YWHAB: variants seen among roughly 807,000 people sequenced by gnomAD.
YWHAB encodes the protein tyrosine 3-monooxygenase/tryptophan 5-monooxygenase activation protein beta.
YWHAB carries 2 observed loss-of-function variants against 28.5 expected under a neutral mutation model. That is an observed-to-expected ratio of 0.07 (90% CI 0.03 to 0.22). The LOEUF is 0.22. Ranked by LOEUF, YWHAB falls within the 10% of genes least tolerant of loss-of-function variation. The pLI, the probability that YWHAB is intolerant of heterozygous loss-of-function variation, is 1.00. For synonymous variants in YWHAB, 103 were observed against 104.7 expected (o/e 0.98, Z 0.10); for missense variants, 148 against 297.1 (o/e 0.50, Z 3.69).
At chr20:44,889,232 C>T (rs1253310175) in intron 1 of YWHAB, among the ~76,000 whole-genome samples, 1 of 152,178 alleles carries the variant, frequency 6.6e-6, no homozygotes, top group Non-Finnish European at 1.5e-5. Flanking sequence ...GATGGAGAAA[C>T]TAACGGTTGG....
At chr20:44,902,204 G>A (rs2066631342) in intron 2 of YWHAB, 1 of 161,758 alleles carries the variant, frequency 6.2e-6, no homozygotes, top group Non-Finnish European at 1.3e-5. Flanking sequence ...AGTAGGGGAG[G>A]GAGATGAAAA....
At chr20:44,889,711 T>C (rs1198851305) in intron 1 of YWHAB, among the ~76,000 whole-genome samples, 3 of 152,216 alleles carry the variant, frequency 2.0e-5, no homozygotes, top group African/African-American at 7.2e-5. Context: ...GGCATGTTTT[T>C]ATGCTGTTTT....
At chr20:44,887,262 AC>A (rs2145520536) in intron 1 of YWHAB, 1 of 152,272 alleles carries the variant, frequency 6.6e-6, no homozygotes, top group East Asian at 1.9e-4. Flanking sequence ...ATCTTATTGG[AC>A]CTAAGTTAGA....
chr20:44,904,582 T>C (rs1243728855), intron 3 of YWHAB, among the ~76,000 whole-genome samples: 1 of 151,978 alleles, frequency 6.6e-6, no homozygotes, highest in East Asian at 1.9e-4. Context: ...TAAACTGAGG[T>C]TTATGGAGGT....
intron 5 of YWHAB, 56 bp downstream of exon 5, chr20:44,906,152 T>G (rs1460029276): frequency 7.2e-7 from 1 of 1,388,010 alleles, no homozygotes; most frequent in African/African-American, 1.4e-5. Context: ...TACTTAATAA[T>G]TCACTGTTAT....
intron 5 of YWHAB, 142 bp downstream of exon 5, chr20:44,906,238 G>A: frequency 8.8e-7 from 1 of 1,140,452 alleles, no homozygotes; most frequent in South Asian, 1.4e-5. Flanking sequence ...GACTGCTGAA[G>A]TTTTGACCTT....
intron 3 of YWHAB, among the ~76,000 whole-genome samples, chr20:44,904,622 G>T (rs1207999458): frequency 6.6e-6 from 1 of 152,114 alleles, no homozygotes; most frequent in African/African-American, 2.4e-5. Flanking sequence ...CAGACCTAGG[G>T]AGTAAGAGTT....
chr20:44,889,412 T>C (rs1156939957), intron 1 of YWHAB, among the ~76,000 whole-genome samples: 1 of 152,194 alleles, frequency 6.6e-6, no homozygotes, highest in Non-Finnish European at 1.5e-5. Context: ...TAATGAGATG[T>C]AAATGATCAG....
chr20:44,905,209 A>G, intron 4 of YWHAB, 78 bp downstream of exon 4: 4 of 1,454,096 alleles, frequency 2.8e-6, no homozygotes, highest in Non-Finnish European at 3.7e-6. Flanking sequence ...TCCTGAACAT[A>G]CTCATTGTCT....
intron 2 of YWHAB, 123 bp from the exon 3 acceptor site, chr20:44,903,870 A>T: frequency 8.9e-7 from 1 of 1,124,582 alleles, no homozygotes; most frequent in Non-Finnish European, 1.2e-6. Context: ...CTTGGATGAA[A>T]AATTGGTGTT....
In YWHAB at chr20:44,907,942, C is replaced by T. The variant is rs1440167168; in HGVS notation, c.*1504C>T. The T allele has an allele frequency of 6.6e-6, 1 of 152,560 alleles. No homozygotes were observed. The highest frequency in any genetic ancestry group is 6.5e-5 in the Admixed American group (1 of 15,280). 9.5% of individuals were successfully genotyped at this position (152,560 alleles called of 1,614,324 possible). ...CCTGTCACCAGGTCTCCCAAGTGCA[C>T]TCATCCAGGTCAGTGCTCAGATGTG... On this transcript the variant is annotated 3_prime_UTR_variant, in exon 6 of 6. Coordinates refer to ENST00000353703, the MANE Select transcript of YWHAB (RefSeq NM_139323.4).
chr20:44,885,723 A>ACCGCCG lies in YWHAB; in HGVS notation c.-160_-155dup, dbSNP rs979660778. Reference sequence around the variant, plus strand: ...TCGGAGCGGAAGTGGAGCTACCGCCACCGCCGCCGCCGATTCCGGAGCCGG... The same window carrying ACCGCCG: ...TCGGAGCGGAAGTGGAGCTACCGCCACCGCCGCCGCCGCCGCCGATTCCGGAGCCGG... On this transcript the variant is annotated 5_prime_UTR_variant, in exon 1 of 6. Transcript: ENST00000353703. 1 of 174,180 alleles carries ACCGCCG rather than the reference A, an allele frequency of 5.7e-6. No homozygotes were observed. The highest frequency in any genetic ancestry group is 1.2e-5 in the Non-Finnish European group (1 of 83,854). 10.8% of individuals were successfully genotyped at this position (174,180 alleles called of 1,614,324 possible). A position where few individuals can be genotyped will look rare whatever the true frequency, so the allele number is the denominator to read the frequency against.
At chr20:44,890,972 GGTACATA>G (rs2066558062) in intron 1 of YWHAB, among the ~76,000 whole-genome samples, 1 of 152,110 alleles carries the variant, frequency 6.6e-6, no homozygotes, top group South Asian at 2.1e-4. Context: ...AAATAAATGA[GGTACATA>G]GTAAGTTTCC....
In YWHAB at chr20:44,905,102, C is replaced by G. The variant is rs1386279474; in HGVS notation, c.559C>G (p.Pro187Ala). The stretch of plus-strand genomic sequence containing the variant: ...CTTTTACTATGAGATTCTAAACTCT[C>G]CTGAAAAGGCCTGTAGCCTGGCAAA... Reference protein sequence around the residue: ...SVFYYEILNSPEKACSLAKTA... With the variant: ...SVFYYEILNSAEKACSLAKTA... Residue 187 changes from proline to alanine, a missense_variant, in exon 4 of 6, where the codon CCT (proline) becomes GCT (alanine). Physicochemically the swap from Pro to Ala is conservative, Grantham distance 27. This residue lies in a region of YWHAB where 38 missense variants were observed against 119.2 expected (regional missense o/e 0.32). Coordinates refer to ENST00000353703, the MANE Select transcript of YWHAB (RefSeq NM_139323.4). The G allele has an allele frequency of 6.2e-7, 1 of 1,611,692 alleles. No individual in the cohort carries two copies. Among genetic ancestry groups the G allele is most frequent in the Non-Finnish European group, 8.5e-7 (1 of 1,179,072 alleles).
intron 1 of YWHAB, among the ~76,000 whole-genome samples, chr20:44,890,620 C>T (rs1486541866): frequency 6.7e-6 from 1 of 149,336 alleles, no homozygotes; most frequent in Non-Finnish European, 1.5e-5. Context: ...AAGCAATTCT[C>T]CTGCCTCAGC....
chr20:44,903,964 C>T (rs764911597), intron 2 of YWHAB, 29 bp from the exon 3 acceptor site: 2 of 1,587,216 alleles, frequency 1.3e-6, no homozygotes, highest in East Asian at 4.5e-5. Context: ...GTGAATAATT[C>T]TAAATTCTTA....
rs531870617 is a variant in YWHAB, at chr20:44,887,930, C to T, written c.-4+2044C>T. On this transcript the variant is annotated intron_variant, in intron 1 of 5. Transcript: ENST00000353703. ...GTTCACTATTAATGGCTTTTTCTCT[C>T]CAGTTAACATCTGATGACACTAAAC... Among the ~76,000 whole-genome samples the T allele has an allele frequency of 8.5e-5, 13 of 152,222 alleles. No individual in the cohort carries two copies. The South Asian group carries it at 2.5e-3, about 29-fold the overall frequency.
rs77679667 is a variant in YWHAB, at chr20:44,899,555, C to G, written c.-3-1976C>G. ...AAAGTAGCATTTCATGTTTTTATAG[C>G]TCAGGATATTAGTGTATTTTTATAC... On this transcript the variant is annotated intron_variant, in intron 1 of 5. Coordinates refer to ENST00000353703, the MANE Select transcript of YWHAB (RefSeq NM_139323.4). Among the ~76,000 whole-genome samples, 5 of 152,290 alleles carry G rather than the reference C, an allele frequency of 3.3e-5. No individual in the cohort carries two copies. In the South Asian group the frequency reaches 1.0e-3, roughly 32 times the overall value.
chr20:44,889,288 C>G (rs541745352), intron 1 of YWHAB, among the ~76,000 whole-genome samples: 1 of 152,284 alleles, frequency 6.6e-6, no homozygotes, highest in East Asian at 1.9e-4. Context: ...CTTGAGGAAA[C>G]AGACTAAAAG....
Sources: gnomAD v4.1 joint callset for allele counts (sites outside exome capture counted in the v4.1 genomes callset) on GRCh38, gnomAD v4.1.1 for gene constraint, gnomAD v4.1.1 regional missense constraint, MANE v1.5 for transcripts, NCBI Gene and HGNC (gene_info 2026-07-23, HGNC 2026-07-21) for gene names.